TRANK1: variants seen among roughly 807,000 people sequenced by gnomAD.
TRANK1 encodes tetratricopeptide repeat and ankyrin repeat containing 1.
TRANK1 carries 198 observed loss-of-function variants against 266.0 expected under a neutral mutation model. The ratio of observed to expected loss-of-function variants is 0.74; its 90% CI spans 0.66 to 0.84. The LOEUF (loss-of-function observed/expected upper bound fraction) is 0.84, where lower values mean the gene tolerates loss of function less well. TRANK1 is among the 40% of genes least tolerant of loss of function. TRANK1 has a pLI of 0.00. For missense variants in TRANK1, 3,326 were observed against 3,634.6 expected, an observed-to-expected ratio of 0.92 and a Z score of 2.18; for synonymous variants, 1,396 against 1,384.1, an observed-to-expected ratio of 1.01 and a Z score of -0.19.
chr3:36,922,940 C>G (rs988895859), intron 1 of TRANK1, among the ~76,000 whole-genome samples: 11 of 152,178 alleles, frequency 7.2e-5, no homozygotes, highest in African/African-American at 2.7e-4. Context: ...AAAGCAACAA[C>G]AGACATCAGA....
Position 36,857,591 on chromosome 3 carries a change from G to A in TRANK1, c.2131C>T (p.Pro711Ser). The A allele has an allele frequency of 6.2e-7, 1 of 1,613,990 alleles. No homozygotes were observed. The highest frequency in any genetic ancestry group is 8.5e-7 in the Non-Finnish European group (1 of 1,179,890). ...SAVPDSWETL[P>S]GTQVTRKEPG... Reference sequence around the variant, plus strand: ...TCCTTCCTGGTCACCTGGGTACCTGGGAGAGTCTCCCAGCTGTCAGGGACT... The same window carrying A: ...TCCTTCCTGGTCACCTGGGTACCTGAGAGAGTCTCCCAGCTGTCAGGGACT... Residue 711 changes from proline (P) to serine (S), a missense_variant, in exon 13 of 24, where the codon CCA becomes TCA. By Grantham distance (74) the Pro-to-Ser change is moderately conservative. Transcript: ENST00000645898. This position sits in a 1 kb window ranked among gnomAD's most constrained non-coding sequence, Gnocchi z 4.3.
chr3:36,900,866 A>AAAAAAAAAAAAAAAAAAT (rs1447113967), intron 3 of TRANK1, among the ~76,000 whole-genome samples: 1 of 148,206 alleles, frequency 6.7e-6, no homozygotes, highest in Non-Finnish European at 1.5e-5. Context: ...AAAAAAAAAA[A>AAAAAAAAAAAAAAAAAAT]AAAAAAAAAA....
Position 36,831,368 on chromosome 3 carries a change from T to C in TRANK1, c.8215A>G (p.Arg2739Gly). 1 of 1,613,436 alleles carries C rather than the reference T, an allele frequency of 6.2e-7. No homozygotes were observed. The highest frequency in any genetic ancestry group is 8.5e-7 in the Non-Finnish European group (1 of 1,179,678). ...ACACGCTCCATCTGGGTGCCCACTC[T>C]TCTCCTCCAACTGATGCACAGAGAC... ...VVSLCISWRR[R>G]VGTQMERVRE... is the part of the protein sequence containing the mutation. Residue 2739 changes from arginine (R) to glycine (G), a missense_variant, in exon 22 of 24, where the codon AGA becomes GGA. Coordinates refer to ENST00000645898, the MANE Select transcript of TRANK1 (RefSeq NM_001329998.2). This position sits in a 1 kb window ranked among gnomAD's most constrained non-coding sequence, Gnocchi z 5.0.
At chr3:36,942,283 C>T (rs777878339) in intron 1 of TRANK1, among the ~76,000 whole-genome samples, 1 of 151,954 alleles carries the variant, frequency 6.6e-6, no homozygotes, top group Non-Finnish European at 1.5e-5. Flanking sequence ...GTTGTCTAAT[C>T]CCAGATCTAA....
rs781145270 is a variant in TRANK1, at chr3:36,827,607, T to C, written c.*668A>G. Reference sequence around the variant, plus strand: ...ACACTGGGTGAATTCTTGACTACATTCTGAGGTAGTCTAACTGTGACTTGG... The same window carrying C: ...ACACTGGGTGAATTCTTGACTACATCCTGAGGTAGTCTAACTGTGACTTGG... On this transcript the variant is annotated 3_prime_UTR_variant, in exon 24 of 24. Coordinates refer to ENST00000645898, the MANE Select transcript of TRANK1 (RefSeq NM_001329998.2). 8 of 152,188 alleles carry C rather than the reference T, an allele frequency of 5.3e-5. No individual in the cohort carries two copies. Among genetic ancestry groups the C allele is most frequent in the Non-Finnish European group, 1.0e-4 (7 of 68,014 alleles). 9.4% of individuals were successfully genotyped at this position (152,188 alleles called of 1,614,324 possible).
chr3:36,944,266 C>T lies in TRANK1; in HGVS notation c.23+521G>A, dbSNP rs535984112. ...TTGAGCCAGCCCAGCAGCCCTCAAT[C>T]GGGCGGGCAGGGAAGAAGGCCTCCT... On this transcript the variant is annotated intron_variant, in intron 1 of 23. Transcript: ENST00000645898. 3.3e-5 allele frequency among the ~76,000 whole-genome samples: 5 copies of T among 152,332 alleles called. No homozygotes were observed. In the South Asian group the frequency reaches 1.0e-3, roughly 32 times the overall value.
At position 36,879,972 on chromosome 3, in the gene TRANK1, ATGTAAACATG is replaced by A. The variant is rs1559449541; in HGVS notation, c.908-5686_908-5677del. Among the ~76,000 whole-genome samples, 83 of 12,182 alleles carry A rather than the reference ATGTAAACATG, an allele frequency of 6.8e-3. 24 individuals carry two copies. Among genetic ancestry groups the A allele is most frequent in the Non-Finnish European group, 9.5e-3 (74 of 7,818 alleles). The allele number at this position is 12,182 out of a possible 152,430, so 8.0% of individuals were successfully genotyped here. On this transcript the variant is annotated intron_variant, in intron 8 of 23. Coordinates refer to ENST00000645898, the MANE Select transcript of TRANK1 (RefSeq NM_001329998.2). ...CAAATATATGTAAACATGCAAATAT[ATGTAAACATG>A]CAAATATATGTAAACATGCAAATAT... is the stretch of plus-strand genomic sequence containing the variant.
At chr3:36,877,657 T>C (rs910364078) in intron 8 of TRANK1, among the ~76,000 whole-genome samples, 1 of 152,208 alleles carries the variant, frequency 6.6e-6, no homozygotes, top group Non-Finnish European at 1.5e-5. Context: ...AGAAAGCAAG[T>C]TGCTGAACAG....
In TRANK1 at chr3:36,899,104, C is replaced by T. The variant is rs2079837312; in HGVS notation, c.433+5G>A. On this transcript the variant is annotated splice_donor_5th_base_variant and intron_variant, in intron 4 of 23. Transcript: ENST00000645898. ...TTACAAAAAGTCTCCCCAGTTCCAA[C>T]TTACTGCTCATAGTGGTGAAGACTC... 2.0e-6 allele frequency: 3 copies of T among 1,537,072 alleles called. No homozygotes were observed. In the East Asian group the frequency reaches 7.3e-5, roughly 38 times the overall value.
chr3:36,923,320 A>G (rs1353550257), intron 1 of TRANK1, among the ~76,000 whole-genome samples: 7 of 150,062 alleles, frequency 4.7e-5, no homozygotes, highest in African/African-American at 7.4e-5. Flanking sequence ...CAGTGATACA[A>G]TCTCGGCTCA....
chr3:36,857,728 C>T lies in TRANK1; in HGVS notation c.1994G>A (p.Gly665Glu), dbSNP rs771515750. The change falls in exon 13 of 24, where the codon GGG (glycine) becomes GAG (glutamate). Residue 665 changes from glycine to glutamate, a missense_variant. Transcript: ENST00000645898. This position sits in a 1 kb window ranked among gnomAD's most constrained non-coding sequence, Gnocchi z 4.3. The stretch of plus-strand genomic sequence containing the variant: ...AGGGGCAGTGGACTTTGAGAGCTTC[C>T]CCAGGTGGGCAGCAGAGTCCTGCCG... ...RSRQDSAAHL[G>E]KLSKSTAPGH... The T allele has an allele frequency of 5.0e-6, 8 of 1,613,872 alleles. No homozygotes were observed. The highest frequency in any genetic ancestry group is 2.7e-5 in the African/African-American group (2 of 74,928).
chr3:36,898,384 G>A (rs1314906424), intron 4 of TRANK1, among the ~76,000 whole-genome samples: 1 of 151,942 alleles, frequency 6.6e-6, no homozygotes, highest in African/African-American at 2.4e-5. Context: ...GGGAGACAGA[G>A]GTTGCAGTGA....
intron 4 of TRANK1, among the ~76,000 whole-genome samples, chr3:36,895,997 T>G (rs939406958): frequency 2.0e-5 from 3 of 152,196 alleles, no homozygotes; most frequent in Non-Finnish European, 4.4e-5. Context: ...CGCTTTGCCT[T>G]TCTAGTTGCC....
At chr3:36,874,095 C>A in intron 9 of TRANK1, 31 bp downstream of exon 9, 1 of 1,515,150 alleles carries the variant, frequency 6.6e-7, no homozygotes, top group Non-Finnish European at 8.8e-7. Context: ...AGTTTTATGC[C>A]CCCCAAAAGT....
intron 14 of TRANK1, 27 bp from the exon 15 acceptor site, chr3:36,851,883 T>C: frequency 6.4e-7 from 1 of 1,567,578 alleles, no homozygotes; most frequent in Non-Finnish European, 8.6e-7. Flanking sequence ...GAACATCAAA[T>C]TCTACAGAGA....
chr3:36,829,498 G>A (rs1156723228), intron 23 of TRANK1, 66 bp downstream of exon 23: 25 of 1,537,802 alleles, frequency 1.6e-5, no homozygotes, highest in Non-Finnish European at 2.2e-5. Flanking sequence ...TTCCCCCCGG[G>A]AGCCAGCAGT....
Position 36,834,880 on chromosome 3 carries a change from G to A in TRANK1, c.5545C>T (p.Arg1849Ter), listed in dbSNP as rs1020401315. The A allele has an allele frequency of 4.5e-5, 72 of 1,612,196 alleles. No homozygotes were observed. The highest frequency in any genetic ancestry group is 5.7e-5 in the Non-Finnish European group (67 of 1,179,364). Reference protein sequence around the residue: ...KIRDAAYFYKRSQCYKDAFRC... With the variant: ...KIRDAAYFYK Reference sequence around the variant, plus strand: ...AAAGCGTCTTTGTAGCACTGGCTTCGCTTATAGAAATAGGCAGCATCTCTT... The same window carrying A: ...AAAGCGTCTTTGTAGCACTGGCTTCACTTATAGAAATAGGCAGCATCTCTT... Residue 1849 changes from arginine to a stop codon, truncating the protein, a stop_gained, in exon 21 of 24, where the codon CGA (arginine) becomes TGA (stop). Transcript: ENST00000645898. LOFTEE classifies it high-confidence loss of function.
rs927116324 is a variant in TRANK1 at position 36,929,785 on chromosome 3, G to A, written c.23+15002C>T. ...TAGGGATACTATCCCTGGATTATCA[G>A]GGTGAGCGCAATCTAATGACAAGAA... On this transcript the variant is annotated intron_variant, in intron 1 of 23. Coordinates refer to ENST00000645898, the MANE Select transcript of TRANK1 (RefSeq NM_001329998.2). Among the ~76,000 whole-genome samples the A allele has an allele frequency of 5.9e-5, 9 of 152,222 alleles. No individual in the cohort carries two copies. In the East Asian group the frequency reaches 1.5e-3, roughly 26 times the overall value.
At position 36,831,669 on chromosome 3, in the gene TRANK1, C is replaced by T. The variant is rs1182734989; in HGVS notation, c.7914G>A (p.Arg2638=). 1.2e-6 allele frequency: 2 copies of T among 1,613,984 alleles called. No individual in the cohort carries two copies. The highest frequency in any genetic ancestry group is 1.7e-6 in the Non-Finnish European group (2 of 1,179,886). ...CACAGTCCATTAGGTACTCTTCATCCCGCTCAAAGAGCAGGTCCTGCAGTG... is the reference window on the plus strand; with the variant it reads ...CACAGTCCATTAGGTACTCTTCATCTCGCTCAAAGAGCAGGTCCTGCAGTG... ...AEALQDLLFE[R]DEEYLMDCDW... is the part of the protein sequence containing the mutation. The change falls in exon 22 of 24, where the codon CGG becomes CGA. Residue 2638 remains arginine (R), a synonymous_variant. Coordinates refer to ENST00000645898, the MANE Select transcript of TRANK1 (RefSeq NM_001329998.2). The surrounding 1 kb of genome is among the most constrained non-coding windows in gnomAD (Gnocchi z 5.0).
Sources: gnomAD v4.1 joint callset for allele counts (sites outside exome capture counted in the v4.1 genomes callset) on GRCh38, gnomAD v4.1.1 for gene constraint, Gnocchi (gnomAD v3.1) non-coding constraint, MANE v1.5 for transcripts, NCBI Gene and HGNC (gene_info 2026-07-23, HGNC 2026-07-21) for gene names.